FRZB: variants seen among roughly 807,000 people sequenced by gnomAD.
FRZB encodes the protein frizzled related protein, also known as secreted frizzled-related protein 3.
In FRZB, 34 loss-of-function variants were observed where a neutral mutation model predicts 32.5. The observed-to-expected ratio is 1.05, with a 90% CI of 0.80 to 1.39. The LOEUF (loss-of-function observed/expected upper bound fraction) is 1.39, where lower values mean the gene tolerates loss of function less well. Among genes scored for constraint, FRZB ranks in the 40% most tolerant of loss-of-function variants. The pLI is 0.00. For missense variants in FRZB, 423 were observed against 424.8 expected (o/e 1.00, Z 0.04); for synonymous variants, 170 against 159.2 (o/e 1.07, Z -0.51).
chr2:182,866,325 C>T lies in FRZB; in HGVS notation c.228G>A (p.Leu76=), dbSNP rs1312579864. 6.2e-7 allele frequency: 1 copy of T among 1,614,240 alleles called. No homozygotes were observed. Residue 76 remains leucine (L), a synonymous_variant, in exon 1 of 6, where the codon CTG becomes CTA. Transcript: ENST00000295113. The surrounding 1 kb of genome is among the most constrained non-coding windows in gnomAD (Gnocchi z 4.5). The stretch of plus-strand genomic sequence containing the variant: ...GCAGATCGGGGCTGCAGTGGGTGCC[C>T]AGCAGACCTTCGAACTGCTCGATGG... ...ILAIEQFEGL[L]GTHCSPDLLF...
At chr2:182,847,511 G>A (rs1023497762) in intron 2 of FRZB, among the ~76,000 whole-genome samples, 1 of 152,190 alleles carries the variant, frequency 6.6e-6, no homozygotes, top group African/African-American at 2.4e-5. Context: ...AACTGGCAAC[G>A]TGATGACTGG....
At chr2:182,853,987 A>G (rs1332439191) in intron 2 of FRZB, among the ~76,000 whole-genome samples, 1 of 152,244 alleles carries the variant, frequency 6.6e-6, no homozygotes, top group African/African-American at 2.4e-5. Flanking sequence ...AATTAAAGTG[A>G]AAAACTACTG....
chr2:182,864,240 C>A (rs1357257511), intron 1 of FRZB, among the ~76,000 whole-genome samples: 7 of 152,172 alleles, frequency 4.6e-5, no homozygotes, highest in Non-Finnish European at 1.0e-4. Context: ...ATTAACCTTG[C>A]CAAACCTCAC....
chr2:182,850,627 C>T (rs763425303), intron 2 of FRZB, among the ~76,000 whole-genome samples: 11 of 152,180 alleles, frequency 7.2e-5, no homozygotes, highest in Admixed American at 3.3e-4. Flanking sequence ...CATTCATCCA[C>T]TAATCAGCAC....
chr2:182,855,874 GA>G (rs897703248), intron 2 of FRZB, among the ~76,000 whole-genome samples: 25 of 150,482 alleles, frequency 1.7e-4, no homozygotes, highest in Admixed American at 7.9e-4. Context: ...AAAGACACAG[GA>G]AAAAAAAATC....
chr2:182,843,114 C>A (rs1695603888), intron 2 of FRZB, among the ~76,000 whole-genome samples: 1 of 152,148 alleles, frequency 6.6e-6, no homozygotes, highest in South Asian at 2.1e-4. Context: ...AGCTACCATT[C>A]AACTCAATGG....
intron 1 of FRZB, among the ~76,000 whole-genome samples, chr2:182,860,003 T>C (rs982386207): frequency 6.6e-6 from 1 of 152,202 alleles, no homozygotes; most frequent in Non-Finnish European, 1.5e-5. Flanking sequence ...ATAAACTACA[T>C]ACAAAAATAA....
At chr2:182,847,986 GA>G (rs1695664644) in intron 2 of FRZB, among the ~76,000 whole-genome samples, 1 of 151,330 alleles carries the variant, frequency 6.6e-6, no homozygotes, top group African/African-American at 2.4e-5. Context: ...TATTGCAGTA[GA>G]CCATGATATC....
In FRZB at chr2:182,857,206, A is replaced by G. The variant is rs73040092; in HGVS notation, c.526+1580T>C. Among the ~76,000 whole-genome samples the G allele has an allele frequency of 9.6e-3, 1,467 of 152,346 alleles. 24 individuals carry two copies. Among genetic ancestry groups the G allele is most frequent in the African/African-American group, 0.033 (1,388 of 41,576 alleles). ...ATAATCCCAAATGATGCACAAGTCAAAGGAAATATCAAGGAAAAATATAAA... is the reference window on the plus strand; with the variant it reads ...ATAATCCCAAATGATGCACAAGTCAGAGGAAATATCAAGGAAAAATATAAA... On this transcript the variant is annotated intron_variant, in intron 2 of 5. Transcript: ENST00000295113.
intron 2 of FRZB, among the ~76,000 whole-genome samples, chr2:182,856,736 A>C (rs1695774294): frequency 6.6e-6 from 1 of 152,164 alleles, no homozygotes; most frequent in South Asian, 2.1e-4. Flanking sequence ...AGGACACTAC[A>C]TAATGAAAAC....
At position 182,852,303 on chromosome 2, in the gene FRZB, A is replaced by T. The variant is rs189319652; in HGVS notation, c.526+6483T>A. 9.9e-4 allele frequency among the ~76,000 whole-genome samples: 150 copies of T among 152,272 alleles called. 1 individual carries two copies. The highest frequency in any genetic ancestry group is 3.5e-3 in the African/African-American group (147 of 41,552). On this transcript the variant is annotated intron_variant, in intron 2 of 5. Transcript: ENST00000295113. ...GCAGCTGCAGTCATCAGGAATCTCC[A>T]GTTGCTCAGTGGCCACCAGGCAGCT...
intron 2 of FRZB, among the ~76,000 whole-genome samples, chr2:182,851,524 C>G (rs189278049): frequency 6.6e-6 from 1 of 151,806 alleles, no homozygotes. Context: ...GGCGTGGTGG[C>G]GGGTGCCTGT....
Position 182,838,620 on chromosome 2 carries a change from T to C in FRZB, c.593-7A>G. ...TTAACTTTAGCCCGAATGACTGGGA[T>C]AAAAGACAAGAAAAGCTGATAATAA... On this transcript the variant is annotated splice_polypyrimidine_tract_variant and splice_region_variant and intron_variant, in intron 3 of 5. Coordinates refer to ENST00000295113, the MANE Select transcript of FRZB (RefSeq NM_001463.4). 2 of 1,610,176 alleles carry C rather than the reference T, an allele frequency of 1.2e-6. No individual in the cohort carries two copies. Among genetic ancestry groups the C allele is most frequent in the Non-Finnish European group, 1.7e-6 (2 of 1,176,920 alleles).
Position 182,834,949 on chromosome 2 carries a change from A to G in FRZB, c.878T>C (p.Leu293Pro), listed in dbSNP as rs763275054. Residue 293 changes from leucine (L) to proline (P), a missense_variant, in exon 6 of 6, where the codon CTT becomes CCT. Transcript: ENST00000295113. ...GKKVKRWDMK[L>P]RHLGLSKSDS... ...ACTTTTACTGAGTCCAAGATGACGA[A>G]GCTTCATATCCCAGCGCTGTGAAAT... is the stretch of plus-strand genomic sequence containing the variant. 6.2e-6 allele frequency: 10 copies of G among 1,611,804 alleles called. No individual in the cohort carries two copies. Among genetic ancestry groups the G allele is most frequent in the Admixed American group, 3.3e-5 (2 of 59,900 alleles).
intron 1 of FRZB, among the ~76,000 whole-genome samples, chr2:182,861,428 T>G (rs2105764507): frequency 6.6e-6 from 1 of 152,316 alleles, no homozygotes; most frequent in Admixed American, 6.5e-5. Flanking sequence ...TTGCTTTTAT[T>G]GTGTTGCTAA....
intron 3 of FRZB, among the ~76,000 whole-genome samples, chr2:182,839,270 A>C (rs1338951058): frequency 6.6e-6 from 1 of 151,244 alleles, no homozygotes; most frequent in Non-Finnish European, 1.5e-5. Context: ...GGTGGGCTAC[A>C]TTTTCTTCTT....
chr2:182,843,812 T>C (rs1208056052), intron 2 of FRZB, among the ~76,000 whole-genome samples: 1 of 151,964 alleles, frequency 6.6e-6, no homozygotes, highest in African/African-American at 2.4e-5. Context: ...GTGCCTGTAG[T>C]TTCAGCTATT....
chr2:182,848,851 C>T (rs1695676704), intron 2 of FRZB, among the ~76,000 whole-genome samples: 1 of 152,184 alleles, frequency 6.6e-6, no homozygotes. Context: ...AGCTGAATAA[C>T]GACACCCATC....
In FRZB at chr2:182,866,252, G is replaced by A; in HGVS notation, c.301C>T (p.Gln101Ter). 6.2e-7 allele frequency: 1 copy of A among 1,614,234 alleles called. No homozygotes were observed. The highest frequency in any genetic ancestry group is 8.5e-7 in the Non-Finnish European group (1 of 1,180,040). The change falls in exon 1 of 6, where the codon CAG becomes TAG. Residue 101 changes from glutamine to a stop codon, truncating the protein, a stop_gained. Transcript: ENST00000295113. LOFTEE classifies it high-confidence loss of function. This position sits in a 1 kb window ranked among gnomAD's most constrained non-coding sequence, Gnocchi z 4.5. ...MYAPICTIDF[Q>*]HEPIKPCKSV... ...TTACAGGGCTTGATGGGCTCGTGCTGGAAGTCAATGGTGCAGATGGGCGCG... is the reference window on the plus strand; with the variant it reads ...TTACAGGGCTTGATGGGCTCGTGCTAGAAGTCAATGGTGCAGATGGGCGCG...
Sources: gnomAD v4.1 joint callset for allele counts (sites outside exome capture counted in the v4.1 genomes callset) on GRCh38, gnomAD v4.1.1 for gene constraint, Gnocchi (gnomAD v3.1) non-coding constraint, MANE v1.5 for transcripts, NCBI Gene and HGNC (gene_info 2026-07-23, HGNC 2026-07-21) for gene names.